EHBP1: variants seen among roughly 807,000 people sequenced by gnomAD.
EHBP1 encodes the protein EH domain binding protein 1, also known as EH domain-binding protein 1.
A neutral mutation model predicts 144.0 loss-of-function variants in EHBP1; 55 were observed. That is an observed-to-expected ratio of 0.38 (90% CI 0.31 to 0.48). The LOEUF (loss-of-function observed/expected upper bound fraction) is 0.48. Ranked by LOEUF, EHBP1 falls within the 20% of genes least tolerant of loss-of-function variation. The pLI is 0.98. For synonymous variants in EHBP1, 469 were observed against 472.7 expected, an observed-to-expected ratio of 0.99 and a Z score of 0.10; for missense variants, 1,200 against 1,364.2, an observed-to-expected ratio of 0.88 and a Z score of 1.90.
At chr2:62,703,334 C>A (rs1439065987), upstream of EHBP1, among the ~76,000 whole-genome samples, 3 of 151,842 alleles carry the variant, frequency 2.0e-5, no homozygotes, top group African/African-American at 2.4e-5. Flanking sequence ...CAGAGAGAAA[C>A]CCCGTCTCAA....
chr2:62,811,278 T>C (rs2044984772), intron 5 of EHBP1, among the ~76,000 whole-genome samples: 5 of 152,244 alleles, frequency 3.3e-5, no homozygotes, highest in Admixed American at 3.3e-4. Flanking sequence ...CTGTGGCATG[T>C]CTGCTTCAGC....
In EHBP1 at chr2:62,996,742, C is replaced by T. The variant is rs2059643583; in HGVS notation, c.3079C>T (p.Arg1027Cys). The T allele has an allele frequency of 1.9e-6, 3 of 1,612,414 alleles. No homozygotes were observed. Among genetic ancestry groups the T allele is most frequent in the Non-Finnish European group, 1.7e-6 (2 of 1,179,352 alleles). Reference protein sequence around the residue: ...IDTRAALVEKRLRYLMDTGRN... With the variant: ...IDTRAALVEKCLRYLMDTGRN... ...CACCCGTGCCGCGCTGGTGGAGAAG[C>T]GCCTTCGCTATCTCATGGACACAGG... Residue 1027 changes from arginine to cysteine, a missense_variant, in exon 19 of 23, where the codon CGC becomes TGC. Around this residue, in one of 6 missense-constraint regions of EHBP1, gnomAD observed 149 missense variants for 217.0 expected, o/e 0.69. Transcript: ENST00000431489.
chr2:62,820,191 A>T (rs1376221188), intron 5 of EHBP1, among the ~76,000 whole-genome samples: 1 of 150,886 alleles, frequency 6.6e-6, no homozygotes, highest in Non-Finnish European at 1.5e-5. Context: ...AGCCTGGGCA[A>T]CAAGAGTGAA....
chr2:62,720,243 C>A (rs1399796658), intron 2 of EHBP1, among the ~76,000 whole-genome samples: 1 of 152,070 alleles, frequency 6.6e-6, no homozygotes, highest in African/African-American at 2.4e-5. Flanking sequence ...CCTTGTAAAC[C>A]CAGAAAGTTT....
intron 10 of EHBP1, among the ~76,000 whole-genome samples, chr2:62,933,670 T>C (rs955223258): frequency 9.2e-5 from 14 of 152,104 alleles, no homozygotes; most frequent in Non-Finnish European, 1.5e-4. Flanking sequence ...AGGAAAGAGA[T>C]TGGGATAAGA....
At chr2:62,699,644 A>G (rs1246884981) in intron 1 of EHBP1, among the ~76,000 whole-genome samples, 2 of 152,220 alleles carry the variant, frequency 1.3e-5, no homozygotes, top group Non-Finnish European at 2.9e-5. Context: ...CAAAGGGACA[A>G]CTAGGCCAAC....
intron 2 of EHBP1, among the ~76,000 whole-genome samples, chr2:62,721,371 C>T (rs945052350): frequency 1.3e-5 from 2 of 152,126 alleles, no homozygotes; most frequent in Non-Finnish European, 1.5e-5. Context: ...GTAATATTCA[C>T]CTTGATCACT....
intron 10 of EHBP1, among the ~76,000 whole-genome samples, chr2:62,908,196 A>T (rs1420861519): frequency 1.3e-5 from 2 of 152,204 alleles, no homozygotes; most frequent in East Asian, 1.9e-4. Context: ...TCTTCCAAAG[A>T]GTTTGTCCAT....
chr2:62,754,640 C>T (rs1374786129), intron 3 of EHBP1, among the ~76,000 whole-genome samples: 2 of 152,186 alleles, frequency 1.3e-5, no homozygotes, highest in Non-Finnish European at 2.9e-5. Context: ...TGGGCTCCAC[C>T]CAGTTCGAGC....
At chr2:62,784,142 A>G (rs2042641476) in intron 5 of EHBP1, among the ~76,000 whole-genome samples, 1 of 152,236 alleles carries the variant, frequency 6.6e-6, no homozygotes, top group Non-Finnish European at 1.5e-5. Context: ...AAATGGATAT[A>G]AAACTACTAA....
chr2:62,816,275 A>G (rs72807583), intron 5 of EHBP1, among the ~76,000 whole-genome samples: 17,303 of 152,262 alleles, frequency 0.11, 1,313 homozygotes, highest in Non-Finnish European at 0.16. Flanking sequence ...ACAAAAATGT[A>G]AAATAGAGAC....
chr2:62,893,726 C>T (rs144421177), intron 10 of EHBP1, among the ~76,000 whole-genome samples: 45 of 152,064 alleles, frequency 3.0e-4, no homozygotes, highest in Non-Finnish European at 4.4e-4. Context: ...GTATAGGTGG[C>T]GAGGTAGTAT....
rs35967277 is a variant in EHBP1, at chr2:63,015,504, G to GTGTT, written c.3103+18760_3103+18763dup. On this transcript the variant is annotated intron_variant, in intron 19 of 22. Coordinates refer to ENST00000431489, the MANE Select transcript of EHBP1 (RefSeq NM_001142616.3). ...AAAGTTCCTGGGTTTTTGTGGTTTT[G>GTGTT]TGTTTGTTTGTTTGTTTGTTTGTTT... is the stretch of plus-strand genomic sequence containing the variant. Among the ~76,000 whole-genome samples the GTGTT allele has an allele frequency of 3.3e-3, 508 of 152,030 alleles. 3 individuals are homozygous for GTGTT. Among genetic ancestry groups the GTGTT allele is most frequent in the African/African-American group, 8.5e-3 (353 of 41,468 alleles).
At chr2:62,852,984 A>T (rs1446671145) in intron 7 of EHBP1, among the ~76,000 whole-genome samples, 1 of 152,174 alleles carries the variant, frequency 6.6e-6, no homozygotes. Context: ...AATTGCGTTT[A>T]CTTTCTGTTT....
intron 7 of EHBP1, among the ~76,000 whole-genome samples, chr2:62,847,673 A>G (rs1453615092): frequency 6.6e-6 from 1 of 152,154 alleles, no homozygotes; most frequent in Non-Finnish European, 1.5e-5. Context: ...GTCTCTTAGG[A>G]AAAAAGAAGA....
intron 12 of EHBP1, among the ~76,000 whole-genome samples, chr2:62,946,966 C>G (rs1391188243): frequency 6.6e-6 from 1 of 152,078 alleles, no homozygotes; most frequent in Non-Finnish European, 1.5e-5. Context: ...TGATCTTAAC[C>G]AATATGTCAG....
chr2:63,032,851 C>A (rs573183047), intron 19 of EHBP1, among the ~76,000 whole-genome samples: 1 of 152,192 alleles, frequency 6.6e-6, no homozygotes, highest in South Asian at 2.1e-4. Flanking sequence ...GAGAATATGG[C>A]AGTTTTTCTT....
chr2:62,972,085 C>T (rs985566080), intron 14 of EHBP1, among the ~76,000 whole-genome samples: 12 of 152,116 alleles, frequency 7.9e-5, no homozygotes, highest in African/African-American at 2.7e-4. Context: ...CAGCAGTTTT[C>T]TAAGTTGCCT....
intron 5 of EHBP1, among the ~76,000 whole-genome samples, chr2:62,775,127 G>T (rs1397163975): frequency 6.6e-6 from 1 of 152,038 alleles, no homozygotes; most frequent in African/African-American, 2.4e-5. Context: ...AGAGAATTGG[G>T]GTATGCTTGT....
Sources: allele counts gnomAD v4.1 joint callset (sites outside exome capture counted in the v4.1 genomes callset), GRCh38; gene constraint gnomAD v4.1.1; regional missense constraint gnomAD v4.1.1; transcripts MANE v1.5; gene names NCBI Gene and HGNC (gene_info 2026-07-23, HGNC 2026-07-21).